ACOT12: variants seen among roughly 807,000 people sequenced by gnomAD.
ACOT12 encodes acetyl-coenzyme A thioesterase.
ACOT12 carries 51 observed loss-of-function variants against 67.7 expected under a neutral mutation model. The ratio of observed to expected loss-of-function variants is 0.75; its 90% confidence interval spans 0.60 to 0.95. ACOT12 has a LOEUF of 0.95. Among genes scored for constraint, ACOT12 ranks in the 40% least tolerant of loss-of-function variants. The probability of loss-of-function intolerance (pLI) is 0.00; values close to 1 mark genes in which losing one functional copy is unlikely to be tolerated. For missense variants in ACOT12, 734 were observed against 708.1 expected, an observed-to-expected ratio of 1.04 and a Z score of -0.41; for synonymous variants, 251 against 244.6, an observed-to-expected ratio of 1.03 and a Z score of -0.24.
At chr5:81,335,723 A>G in intron 12 of ACOT12, 45 bp downstream of exon 12, 2 of 1,583,430 alleles carry the variant, frequency 1.3e-6, no homozygotes, top group Non-Finnish European at 1.7e-6. Flanking sequence ...CATCTTTTAC[A>G]TTATGTCAAG....
At chr5:81,311,085 T>C in the ACOT12 span, 2 of 909,816 alleles carry the variant, frequency 2.2e-6, no homozygotes, top group Admixed American at 3.8e-5. Flanking sequence ...CTCCCTATGA[T>C]CCTGGTCTAG....
intron 14 of ACOT12, 110 bp from the exon 15 acceptor site, chr5:81,330,653 G>T (rs575272775): frequency 2.6e-4 from 386 of 1,479,618 alleles, no homozygotes; most frequent in Non-Finnish European, 3.3e-4. Context: ...TAATCTTCTG[G>T]GGGACCTTCT....
chr5:81,374,406 A>C (rs879844346), intron 2 of ACOT12, among the ~76,000 whole-genome samples: 1 of 152,216 alleles, frequency 6.6e-6, no homozygotes, highest in African/African-American at 2.4e-5. Flanking sequence ...AAAGGCTGAA[A>C]ATTCCAAAAA....
chr5:81,329,492 G>T (rs1758750411), downstream of ACOT12, among the ~76,000 whole-genome samples: 1 of 152,218 alleles, frequency 6.6e-6, no homozygotes, highest in African/African-American at 2.4e-5. Flanking sequence ...ATGGGTGAGG[G>T]TTGGTAGGGG....
the ACOT12 span, among the ~76,000 whole-genome samples, chr5:81,317,537 A>G: frequency 6.6e-6 from 1 of 151,514 alleles, no homozygotes; most frequent in Non-Finnish European, 1.5e-5. Flanking sequence ...ATTGACTCAC[A>G]GTTTCACAGG....
intron 3 of ACOT12, among the ~76,000 whole-genome samples, chr5:81,364,488 C>T (rs906396850): frequency 2.6e-5 from 4 of 151,562 alleles, no homozygotes; most frequent in Non-Finnish European, 5.9e-5. Context: ...AGTGCAGTGG[C>T]ACGATCTTGG....
chr5:81,352,915 GGGAAGTGAGACGGTA>G (rs1262867260), intron 5 of ACOT12, among the ~76,000 whole-genome samples: 1 of 152,140 alleles, frequency 6.6e-6, no homozygotes, highest in Non-Finnish European at 1.5e-5. Context: ...CTCTGAAGGT[GGGAAGTGAGACGGTA>G]GGCAGACTTA....
intron 2 of ACOT12, among the ~76,000 whole-genome samples, chr5:81,378,606 C>G (rs1390128277): frequency 6.6e-6 from 1 of 152,036 alleles, no homozygotes; most frequent in African/African-American, 2.4e-5. Flanking sequence ...GGGCTAATAT[C>G]GAGAATCTAC....
At chr5:81,309,233 TCAG>T in the ACOT12 span, 5 of 450,396 alleles carry the variant, frequency 1.1e-5, no homozygotes, top group Non-Finnish European at 1.9e-5. Context: ...ATAAAACAAA[TCAG>T]AAAAAACTAA....
intron 2 of ACOT12, among the ~76,000 whole-genome samples, chr5:81,381,025 A>G (rs551053883): frequency 6.6e-6 from 1 of 152,108 alleles, no homozygotes; most frequent in African/African-American, 2.4e-5. Flanking sequence ...ATCCAAACAT[A>G]GCTAAATGTA....
downstream of ACOT12, among the ~76,000 whole-genome samples, chr5:81,325,496 T>C (rs1217232156): frequency 6.6e-6 from 1 of 152,080 alleles, no homozygotes; most frequent in Non-Finnish European, 1.5e-5. Context: ...AGGACAGAGG[T>C]GCAGTGTTTT....
At position 81,332,518 on chromosome 5, in the gene ACOT12, G is replaced by A; in HGVS notation, c.1350C>T (p.Asp450=). Reference sequence around the variant, plus strand: ...TTCTTCGTGATACGAGTACTACCAAGTCTTTGGGTTTGTCATCATTCAGTA... The same window carrying A: ...TTCTTCGTGATACGAGTACTACCAAATCTTTGGGTTTGTCATCATTCAGTA... ...CPILNDDKPK[D]LVVLVSRRKP... The change falls in exon 13 of 15, where the codon GAC becomes GAT. Residue 450 remains aspartate (D), a synonymous_variant. Transcript: ENST00000307624. 6.2e-7 allele frequency: 1 copy of A among 1,614,058 alleles called. No individual in the cohort carries two copies. The highest frequency in any genetic ancestry group is 8.5e-7 in the Non-Finnish European group (1 of 1,179,988).
intron 1 of ACOT12, among the ~76,000 whole-genome samples, chr5:81,392,250 A>G (rs1289179822): frequency 1.3e-5 from 2 of 152,218 alleles, no homozygotes; most frequent in Admixed American, 1.3e-4. Flanking sequence ...AGAAAATCCC[A>G]GAGAAATCAG....
At chr5:81,364,550 C>G (rs1185629028) in intron 3 of ACOT12, among the ~76,000 whole-genome samples, 1 of 152,014 alleles carries the variant, frequency 6.6e-6, no homozygotes, top group Non-Finnish European at 1.5e-5. Flanking sequence ...GCCTCAGCCT[C>G]CGGAGTAGCT....
chr5:81,344,132 T>C, intron 9 of ACOT12, 28 bp downstream of exon 9: 2 of 1,608,590 alleles, frequency 1.2e-6, no homozygotes, highest in South Asian at 2.2e-5. Context: ...GAAGACTCCA[T>C]AAAATCATTA....
intron 11 of ACOT12, among the ~76,000 whole-genome samples, chr5:81,341,844 G>A (rs2153847515): frequency 6.6e-6 from 1 of 152,288 alleles, no homozygotes; most frequent in South Asian, 2.1e-4. Flanking sequence ...TCCAGACAAG[G>A]CCTCTTTCTT....
At chr5:81,334,149 C>A (rs1229017207) in intron 12 of ACOT12, among the ~76,000 whole-genome samples, 2 of 152,066 alleles carry the variant, frequency 1.3e-5, no homozygotes, top group Admixed American at 6.5e-5. Flanking sequence ...CTAAAAGCAA[C>A]TTCCACCACT....
Position 81,332,613 on chromosome 5 carries a change from T to C in ACOT12, c.1263-8A>G, listed in dbSNP as rs1758866231. 1 of 1,613,778 alleles carries C rather than the reference T, an allele frequency of 6.2e-7. No homozygotes were observed. The highest frequency in any genetic ancestry group is 8.5e-7 in the Non-Finnish European group (1 of 1,179,886). ...TCTATGACTTCACAGGACCTGTGTA[T>C]ATAGAACAGTGAAAAGCAGGTATAC... On this transcript the variant is annotated splice_region_variant and splice_polypyrimidine_tract_variant and intron_variant, in intron 12 of 14. Transcript: ENST00000307624.
At chr5:81,314,423 G>C in the ACOT12 span, among the ~76,000 whole-genome samples, 6 of 152,004 alleles carry the variant, frequency 3.9e-5, no homozygotes, top group African/African-American at 1.5e-4. Context: ...ATATTTTAAT[G>C]ATCTATAAAT....
Sources: allele counts gnomAD v4.1 joint callset (sites outside exome capture counted in the v4.1 genomes callset), GRCh38; gene constraint gnomAD v4.1.1; transcripts MANE v1.5; gene names NCBI Gene and HGNC (gene_info 2026-07-23, HGNC 2026-07-21).